The following CCDC150 variants were observed in gnomAD, a reference collection of about 807,000 sequenced individuals.
CCDC150 encodes the protein coiled-coil domain containing 150, also known as coiled-coil domain-containing protein 150.
A neutral mutation model predicts 156.5 loss-of-function variants in CCDC150; 151 were observed. The ratio of observed to expected loss-of-function variants is 0.97; its 90% CI spans 0.85 to 1.10. The LOEUF is 1.10. CCDC150 is among the 50% of genes least tolerant of loss of function. The pLI is 0.00. For synonymous variants in CCDC150, 452 were observed against 429.4 expected, an observed-to-expected ratio of 1.05 and a Z score of -0.65; for missense variants, 1,312 against 1,268.1, an observed-to-expected ratio of 1.03 and a Z score of -0.53.
intron 13 of CCDC150, among the ~76,000 whole-genome samples, chr2:196,679,738 T>C (rs1694711015): frequency 6.6e-6 from 1 of 152,244 alleles, no homozygotes; most frequent in African/African-American, 2.4e-5. Context: ...CTGTTAGTAA[T>C]TCATGAGTTC....
At chr2:196,724,379 T>C (rs1012879941) in intron 21 of CCDC150, among the ~76,000 whole-genome samples, 17 of 152,198 alleles carry the variant, frequency 1.1e-4, no homozygotes, top group African/African-American at 3.8e-4. Context: ...AAAATTAAAG[T>C]TAATACAAAA....
chr2:196,702,340 G>A (rs1696269670), intron 15 of CCDC150, among the ~76,000 whole-genome samples: 1 of 63,544 alleles, frequency 1.6e-5, no homozygotes, highest in African/African-American at 4.4e-5. Flanking sequence ...CTTGACTGAA[G>A]TGCTGTGTGT....
Position 196,732,676 on chromosome 2 carries a change from G to C in CCDC150, c.*114G>C, listed in dbSNP as rs1391885265. 1.4e-6 allele frequency: 1 copy of C among 708,314 alleles called. No homozygotes were observed. Among genetic ancestry groups the C allele is most frequent in the African/African-American group, 1.8e-5 (1 of 56,488 alleles). The allele number at this position is 708,314 out of a possible 1,614,324, so 43.9% of individuals were successfully genotyped here. On this transcript the variant is annotated 3_prime_UTR_variant, in exon 28 of 28. Coordinates refer to ENST00000389175, the MANE Select transcript of CCDC150 (RefSeq NM_001080539.2). Reference sequence around the variant, plus strand: ...TAAGAACATGAAGTCTTTGATGTGGGCTGAAGATTTTGGACCTGAGTTTAT... The same window carrying C: ...TAAGAACATGAAGTCTTTGATGTGGCCTGAAGATTTTGGACCTGAGTTTAT...
At chr2:196,680,627 A>AT (rs1261787086) in intron 13 of CCDC150, among the ~76,000 whole-genome samples, 1 of 152,000 alleles carries the variant, frequency 6.6e-6, no homozygotes, top group Non-Finnish European at 1.5e-5. Flanking sequence ...AAATTTCTCC[A>AT]TTGGTGGGCT....
chr2:196,681,872 A>G (rs1396041131), intron 13 of CCDC150, among the ~76,000 whole-genome samples: 1 of 152,120 alleles, frequency 6.6e-6, no homozygotes, highest in Non-Finnish European at 1.5e-5. Context: ...CAACCTTATC[A>G]GATATGATTT....
chr2:196,677,428 C>T (rs1694579312), intron 13 of CCDC150, 67 bp downstream of exon 13: 1 of 1,055,782 alleles, frequency 9.5e-7, no homozygotes, highest in Non-Finnish European at 1.4e-6. Flanking sequence ...ACCGTATCAG[C>T]TTATCTTAAT....
At chr2:196,644,771 C>T (rs1466770159) in intron 1 of CCDC150, among the ~76,000 whole-genome samples, 1 of 152,042 alleles carries the variant, frequency 6.6e-6, no homozygotes, top group Non-Finnish European at 1.5e-5. Context: ...AAAAGTTTCA[C>T]AGTAGGGCAT....
At chr2:196,698,215 A>G (rs1240367519) in intron 14 of CCDC150, among the ~76,000 whole-genome samples, 1 of 152,198 alleles carries the variant, frequency 6.6e-6, no homozygotes, top group Non-Finnish European at 1.5e-5. Context: ...CTGCCTTAAC[A>G]TCCACTTTCC....
intron 13 of CCDC150, among the ~76,000 whole-genome samples, chr2:196,681,809 G>A (rs1481770447): frequency 3.9e-5 from 6 of 151,930 alleles, no homozygotes; most frequent in Non-Finnish European, 8.8e-5. Context: ...TTTTAAAAGG[G>A]ATTATCTTTT....
chr2:196,731,016 C>A, intron 26 of CCDC150, 71 bp downstream of exon 26: 1 of 1,110,748 alleles, frequency 9.0e-7, no homozygotes, highest in Non-Finnish European at 1.3e-6. Context: ...CAACCCAAGT[C>A]AATGTGAAAT....
At chr2:196,663,186 G>A (rs1395042377) in intron 5 of CCDC150, among the ~76,000 whole-genome samples, 1 of 152,176 alleles carries the variant, frequency 6.6e-6, no homozygotes, top group Admixed American at 6.5e-5. Flanking sequence ...ACTGCAGTGA[G>A]CCATGGTTGC....
chr2:196,709,569 T>C (rs1187347080), intron 15 of CCDC150, among the ~76,000 whole-genome samples: 1 of 152,194 alleles, frequency 6.6e-6, no homozygotes, highest in African/African-American at 2.4e-5. Flanking sequence ...CTGTGATCCT[T>C]TGGGGGAGAA....
intron 13 of CCDC150, among the ~76,000 whole-genome samples, chr2:196,694,452 G>A (rs886911931): frequency 1.3e-5 from 2 of 152,056 alleles, no homozygotes; most frequent in Non-Finnish European, 2.9e-5. Context: ...TATAATTTAC[G>A]ATATCCCTTT....
intron 5 of CCDC150, among the ~76,000 whole-genome samples, chr2:196,661,980 G>A (rs1249018959): frequency 6.6e-6 from 1 of 152,128 alleles, no homozygotes; most frequent in South Asian, 2.1e-4. Flanking sequence ...AATCACATTT[G>A]ACAGTAATGC....
At chr2:196,710,252 C>T (rs1202988233) in intron 15 of CCDC150, among the ~76,000 whole-genome samples, 1 of 152,008 alleles carries the variant, frequency 6.6e-6, no homozygotes, top group Non-Finnish European at 1.5e-5. Flanking sequence ...GCTGCTGCCT[C>T]AGACTTCTGC....
chr2:196,680,410 A>G (rs1474493335), intron 13 of CCDC150, among the ~76,000 whole-genome samples: 2 of 151,820 alleles, frequency 1.3e-5, no homozygotes, highest in Non-Finnish European at 2.9e-5. Flanking sequence ...TGATCCTCCC[A>G]CCCACCTCAG....
intron 8 of CCDC150, among the ~76,000 whole-genome samples, chr2:196,670,561 T>TC (rs1694139308): frequency 6.6e-6 from 1 of 151,990 alleles, no homozygotes; most frequent in South Asian, 2.1e-4. Context: ...TTTTTTTTTT[T>TC]TTTCTATAAC....
At chr2:196,707,919 C>A (rs1344670004) in intron 15 of CCDC150, among the ~76,000 whole-genome samples, 1 of 152,154 alleles carries the variant, frequency 6.6e-6, no homozygotes, top group Admixed American at 6.5e-5. Context: ...GAGTGCTTTA[C>A]TTCCAACTAT....
At position 196,732,664 on chromosome 2, in the gene CCDC150, T is replaced by A. The variant is rs1430682424; in HGVS notation, c.*102T>A. 2.6e-6 allele frequency: 2 copies of A among 765,070 alleles called. No individual in the cohort carries two copies. The highest frequency in any genetic ancestry group is 4.1e-5 in the Admixed American group (2 of 48,618). 47.4% of individuals were successfully genotyped at this position (765,070 alleles called of 1,614,324 possible). A position where few individuals can be genotyped will look rare whatever the true frequency, so the allele number is the denominator to read the frequency against. On this transcript the variant is annotated 3_prime_UTR_variant, in exon 28 of 28. Transcript: ENST00000389175. ...TTTCTAGAGTCATAAGAACATGAAG[T>A]CTTTGATGTGGGCTGAAGATTTTGG...
Sources: allele counts gnomAD v4.1 joint callset (sites outside exome capture counted in the v4.1 genomes callset), GRCh38; gene constraint gnomAD v4.1.1; transcripts MANE v1.5; gene names NCBI Gene and HGNC (gene_info 2026-07-23, HGNC 2026-07-21).